ENTREP2: variants seen among roughly 807,000 people sequenced by gnomAD.
ENTREP2 encodes the protein protein ENTREP2.
chr15:29,507,342 G>A, the ENTREP2 span, among the ~76,000 whole-genome samples: 1 of 152,146 alleles, frequency 6.6e-6, no homozygotes, highest in African/African-American at 2.4e-5. Flanking sequence ...ATATTAGACA[G>A]ATCAATGAGA....
At chr15:29,144,883 T>TA in the ENTREP2 span, among the ~76,000 whole-genome samples, 3 of 150,786 alleles carry the variant, frequency 2.0e-5, no homozygotes, top group South Asian at 4.2e-4. Flanking sequence ...CTACTAAAAA[T>TA]AAAAAAAATA....
At chr15:29,280,665 G>C in the ENTREP2 span, among the ~76,000 whole-genome samples, 1 of 152,192 alleles carries the variant, frequency 6.6e-6, no homozygotes, top group Admixed American at 6.5e-5. Flanking sequence ...GGAAGGAAGA[G>C]AGCAGAAGGA....
chr15:29,580,140 C>T, the ENTREP2 span, among the ~76,000 whole-genome samples: 1 of 152,060 alleles, frequency 6.6e-6, no homozygotes, highest in Non-Finnish European at 1.5e-5. Context: ...AGTCACCACG[C>T]CTAGCCTGGC....
the ENTREP2 span, among the ~76,000 whole-genome samples, chr15:29,639,900 C>G: frequency 6.6e-6 from 1 of 151,848 alleles, no homozygotes; most frequent in Non-Finnish European, 1.5e-5. Flanking sequence ...TCCTGAGTAG[C>G]TGGGATTACA....
At chr15:29,353,765 G>A in the ENTREP2 span, among the ~76,000 whole-genome samples, 318 of 152,252 alleles carry the variant, frequency 2.1e-3, 2 homozygotes, top group African/African-American at 7.0e-3. Context: ...TGAGCCTCAC[G>A]GGGATAGAGT....
the ENTREP2 span, among the ~76,000 whole-genome samples, chr15:29,332,355 A>G: frequency 6.6e-6 from 1 of 152,156 alleles, no homozygotes; most frequent in South Asian, 2.1e-4. Context: ...GTTACTTTAG[A>G]CCACTGAGAC....
the ENTREP2 span, among the ~76,000 whole-genome samples, chr15:29,334,037 G>C: frequency 6.6e-6 from 1 of 152,178 alleles, no homozygotes; most frequent in South Asian, 2.1e-4. Context: ...GCCTCGAGAA[G>C]AAATCCACGC....
At chr15:29,470,583 C>G in the ENTREP2 span, among the ~76,000 whole-genome samples, 2 of 152,198 alleles carry the variant, frequency 1.3e-5, no homozygotes, top group Admixed American at 1.3e-4. Flanking sequence ...AGCCCAGACG[C>G]ACTTCGAAAT....
At chr15:29,583,748 T>G in the ENTREP2 span, among the ~76,000 whole-genome samples, 1 of 152,192 alleles carries the variant, frequency 6.6e-6, no homozygotes, top group Non-Finnish European at 1.5e-5. Context: ...TCTGAAGAAT[T>G]GTGTTAATGT....
the ENTREP2 span, among the ~76,000 whole-genome samples, chr15:29,619,022 C>A: frequency 6.6e-6 from 1 of 152,214 alleles, no homozygotes; most frequent in African/African-American, 2.4e-5. Flanking sequence ...CAGAGCCACC[C>A]GGCAGGGGCC....
chr15:29,199,448 C>T, the ENTREP2 span, among the ~76,000 whole-genome samples: 1 of 152,130 alleles, frequency 6.6e-6, no homozygotes, highest in South Asian at 2.1e-4. Context: ...CTTGTTCAGA[C>T]TGAAGCAGGA....
the ENTREP2 span, among the ~76,000 whole-genome samples, chr15:29,329,178 T>C: frequency 2.6e-5 from 4 of 151,712 alleles, no homozygotes; most frequent in East Asian, 1.9e-4. Context: ...CTGGCTAACA[T>C]GGTGAAACCC....
chr15:29,339,507 G>A, the ENTREP2 span, among the ~76,000 whole-genome samples: 2 of 152,170 alleles, frequency 1.3e-5, no homozygotes, highest in Admixed American at 6.6e-5. Context: ...AAGAAAATTC[G>A]TGCGCTGTAA....
chr15:29,356,960 T>C, the ENTREP2 span, among the ~76,000 whole-genome samples: 1 of 151,982 alleles, frequency 6.6e-6, no homozygotes, highest in Non-Finnish European at 1.5e-5. Context: ...CTGGGGGCCC[T>C]TCCTCCTCAC....
At chr15:29,670,629 C>T in the ENTREP2 span, among the ~76,000 whole-genome samples, 1 of 152,120 alleles carries the variant, frequency 6.6e-6, no homozygotes, top group African/African-American at 2.4e-5. Flanking sequence ...AGGTTTATGC[C>T]ACCCGGGAAC....
the ENTREP2 span, among the ~76,000 whole-genome samples, chr15:29,381,455 CAAA>C: frequency 0.11 from 4,575 of 43,452 alleles, 33 homozygotes; most frequent in African/African-American, 0.18. Flanking sequence ...GACTCTGTCT[CAAA>C]AAAAAAAAAA....
At chr15:29,316,952 G>T in the ENTREP2 span, among the ~76,000 whole-genome samples, 1 of 152,160 alleles carries the variant, frequency 6.6e-6, no homozygotes. Context: ...ATATTACAAA[G>T]CCTGTCATAT....
the ENTREP2 span, among the ~76,000 whole-genome samples, chr15:29,155,076 A>C: frequency 2.8e-4 from 42 of 151,476 alleles, no homozygotes; most frequent in Non-Finnish European, 4.4e-4. Context: ...AGGTCAGGAG[A>C]TCGAGACCAT....
At chr15:29,339,897 T>C in the ENTREP2 span, among the ~76,000 whole-genome samples, 1 of 152,266 alleles carries the variant, frequency 6.6e-6, no homozygotes, top group Non-Finnish European at 1.5e-5. Flanking sequence ...TTATCGGCCA[T>C]GGCCATCCCT....
Sources: allele counts gnomAD v4.1 joint callset (sites outside exome capture counted in the v4.1 genomes callset), GRCh38; gene constraint gnomAD v4.1.1; transcripts MANE v1.5; gene names NCBI Gene and HGNC (gene_info 2026-07-23, HGNC 2026-07-21).